ABCA13: variants seen among roughly 807,000 people sequenced by gnomAD.
ABCA13 encodes ATP-binding cassette sub-family A member 13.
A neutral mutation model predicts 478.7 loss-of-function variants in ABCA13; 476 were observed. That is an observed-to-expected ratio of 0.99 (90% confidence interval 0.92 to 1.07). The LOEUF (loss-of-function observed/expected upper bound fraction) is 1.07. ABCA13 is among the 50% of genes least tolerant of loss of function. The pLI, the probability that ABCA13 is intolerant of heterozygous loss-of-function variation, is 0.00. For missense variants in ABCA13, 6,060 were observed against 5,910.6 expected, an observed-to-expected ratio of 1.03 and a Z score of -0.83; for synonymous variants, 2,252 against 2,158.9, an observed-to-expected ratio of 1.04 and a Z score of -1.20.
intron 24 of ABCA13, 112 bp downstream of exon 24, chr7:48,310,253 C>T: frequency 8.4e-7 from 1 of 1,189,842 alleles, no homozygotes; most frequent in South Asian, 1.5e-5. Context: ...CACCTGGCCA[C>T]TCTGCAGTGG....
In ABCA13 at chr7:48,410,670, C is replaced by G. The variant is rs754515819; in HGVS notation, c.12221C>G (p.Thr4074Arg). Residue 4074 changes from threonine to arginine, a missense_variant, in exon 40 of 62, where the codon ACG becomes AGG. Thr to Arg is a moderately conservative substitution (Grantham distance 71). Transcript: ENST00000435803. ...AYGQGLRLTL[T>R]RQPSVLEAHD... ...GGCCAGGGGCTCCGCCTGACACTCA[C>G]GAGGCAGGTAAGGAGTGCAACCATT... 2.5e-6 allele frequency: 4 copies of G among 1,612,648 alleles called. No individual in the cohort carries two copies. Among genetic ancestry groups the G allele is most frequent in the Non-Finnish European group, 3.4e-6 (4 of 1,178,984 alleles).
intron 31 of ABCA13, among the ~76,000 whole-genome samples, chr7:48,358,694 G>A (rs1810350820): frequency 6.6e-6 from 1 of 152,050 alleles, no homozygotes; most frequent in Non-Finnish European, 1.5e-5. Flanking sequence ...ACTGCTTAAT[G>A]CAGTAGTTAG....
At position 48,627,586 on chromosome 7, in the gene ABCA13, G is replaced by A. The variant is rs528202968; in HGVS notation, c.14837+12209G>A. 7.1e-4 allele frequency among the ~76,000 whole-genome samples: 108 copies of A among 152,178 alleles called. 1 individual carries two copies. The highest frequency in any genetic ancestry group is 6.5e-4 in the African/African-American group (27 of 41,526). On this transcript the variant is annotated intron_variant, in intron 59 of 61. Coordinates refer to ENST00000435803, the MANE Select transcript of ABCA13 (RefSeq NM_152701.5). Reference sequence around the variant, plus strand: ...TTTTCTTCAGTGGAGATAATAATACGTATTTTATAGTATTTTGAAAAGAAA... The same window carrying A: ...TTTTCTTCAGTGGAGATAATAATACATATTTTATAGTATTTTGAAAAGAAA...
chr7:48,524,114 T>C, intron 53 of ABCA13, 134 bp from the exon 54 acceptor site: 2 of 723,422 alleles, frequency 2.8e-6, no homozygotes, highest in Non-Finnish European at 2.2e-6. Flanking sequence ...TGGGGTGCTC[T>C]GGACAAAGCT....
At position 48,644,671 on chromosome 7, in the gene ABCA13, G is replaced by GCTGA. The variant is rs2131705831; in HGVS notation, c.15001_15004dup (p.Leu5002Ter). ...TGTGCCAAAAAGATGGGGATGCCTA[G>GCTGA]CTGACTTGTTCAAAGTTATAGAGAA... is the stretch of plus-strand genomic sequence containing the variant. On this transcript the variant is annotated frameshift_variant, in exon 61 of 62. Coordinates refer to ENST00000435803, the MANE Select transcript of ABCA13 (RefSeq NM_152701.5). LOFTEE classifies it high-confidence loss of function. 2 of 1,610,558 alleles carry GCTGA rather than the reference G, an allele frequency of 1.2e-6. No homozygotes were observed. The highest frequency in any genetic ancestry group is 4.5e-5 in the East Asian group (2 of 44,716).
At chr7:48,345,650 G>C (rs1307964867) in intron 29 of ABCA13, among the ~76,000 whole-genome samples, 1 of 152,078 alleles carries the variant, frequency 6.6e-6, no homozygotes, top group Non-Finnish European at 1.5e-5. Flanking sequence ...TTACAAAAGG[G>C]TCAAAAAGTC....
rs527462738 is a variant in ABCA13, at chr7:48,422,223, G to T, written c.12460-5543G>T. Among the ~76,000 whole-genome samples, 2 of 137,610 alleles carry T rather than the reference G, an allele frequency of 1.5e-5. 1 individual carries two copies. The highest frequency in any genetic ancestry group is 5.8e-5 in the African/African-American group (2 of 34,672). 90.3% of individuals were successfully genotyped at this position (137,610 alleles called of 152,430 possible). A position where few individuals can be genotyped will look rare whatever the true frequency, so the allele number is the denominator to read the frequency against. ...TTTCTTTTTTTTCTTTTTTCCTAAA[G>T]AACAATACATTCAGTATTTTGAGGA... On this transcript the variant is annotated intron_variant, in intron 41 of 61. Coordinates refer to ENST00000435803, the MANE Select transcript of ABCA13 (RefSeq NM_152701.5).
intron 8 of ABCA13, among the ~76,000 whole-genome samples, chr7:48,236,909 G>T (rs116038044): frequency 6.6e-6 from 1 of 151,888 alleles, no homozygotes; most frequent in Non-Finnish European, 1.5e-5. Flanking sequence ...CATTGAGACT[G>T]CAGTATTGCA....
At chr7:48,482,204 T>C (rs1828843632) in intron 46 of ABCA13, among the ~76,000 whole-genome samples, 1 of 151,976 alleles carries the variant, frequency 6.6e-6, no homozygotes, top group South Asian at 2.1e-4. Context: ...AGTGTGGTAA[T>C]TGATAACAAT....
intron 3 of ABCA13, among the ~76,000 whole-genome samples, chr7:48,213,614 CTG>C (rs764767052): frequency 2.0e-5 from 3 of 152,186 alleles, no homozygotes; most frequent in Non-Finnish European, 4.4e-5. Context: ...GCATCATTGA[CTG>C]TTTCTTTCAT....
intron 57 of ABCA13, among the ~76,000 whole-genome samples, chr7:48,593,945 A>T (rs1790025636): frequency 6.6e-6 from 1 of 151,968 alleles, no homozygotes; most frequent in African/African-American, 2.4e-5. Flanking sequence ...GATGTATGTC[A>T]TGAGCCTTTT....
chr7:48,391,534 G>T (rs1232372350), intron 37 of ABCA13, among the ~76,000 whole-genome samples: 1 of 152,168 alleles, frequency 6.6e-6, no homozygotes, highest in African/African-American at 2.4e-5. Flanking sequence ...AGATGATTTT[G>T]CCCAGCTGTA....
chr7:48,306,908 G>A (rs1055387641), intron 23 of ABCA13, among the ~76,000 whole-genome samples: 17 of 152,292 alleles, frequency 1.1e-4, no homozygotes, highest in South Asian at 4.1e-4. Flanking sequence ...AAGATTACTC[G>A]TCATAATGTG....
chr7:48,318,833 G>A (rs544590760), intron 27 of ABCA13, among the ~76,000 whole-genome samples: 1 of 151,988 alleles, frequency 6.6e-6, no homozygotes, highest in East Asian at 1.9e-4. Flanking sequence ...AATAGGCCAT[G>A]ACTTTAAAAA....
chr7:48,295,637 T>C (rs997444289), intron 20 of ABCA13, 63 bp from the exon 21 acceptor site: 14 of 1,593,626 alleles, frequency 8.8e-6, no homozygotes, highest in Non-Finnish European at 1.1e-5. Context: ...CTAATGAGAA[T>C]AAATCAAAAT....
rs1410107011 is a variant in ABCA13 at position 48,385,537 on chromosome 7, C to G, written c.11336-2285C>G. On this transcript the variant is annotated intron_variant, in intron 35 of 61. Coordinates refer to ENST00000435803, the MANE Select transcript of ABCA13 (RefSeq NM_152701.5). ...AGTAGTCCATGGTGTATATGTACCA[C>G]ATTTTCTTTATCCAGTCTATTGTTG... 1.3e-5 allele frequency among the ~76,000 whole-genome samples: 2 copies of G among 152,272 alleles called. 1 individual carries two copies. The highest frequency in any genetic ancestry group is 4.1e-4 in the South Asian group (2 of 4,826).
chr7:48,268,015 C>G (rs896196167), intron 15 of ABCA13, among the ~76,000 whole-genome samples: 1 of 152,032 alleles, frequency 6.6e-6, no homozygotes, highest in African/African-American at 2.4e-5. Flanking sequence ...TAAATACTTC[C>G]CACTCCTGAA....
chr7:48,599,667 G>A (rs1790677299), intron 58 of ABCA13, among the ~76,000 whole-genome samples: 1 of 152,202 alleles, frequency 6.6e-6, no homozygotes, highest in South Asian at 2.1e-4. Context: ...GTCGTATGGT[G>A]TGTACTGCAG....
At chr7:48,569,925 G>T (rs770965954) in intron 55 of ABCA13, among the ~76,000 whole-genome samples, 3 of 152,134 alleles carry the variant, frequency 2.0e-5, no homozygotes, top group Non-Finnish European at 4.4e-5. Context: ...TGTTCAGTCT[G>T]CTCTTTTTGG....
Sources: gnomAD v4.1 joint callset for allele counts (sites outside exome capture counted in the v4.1 genomes callset) on GRCh38, gnomAD v4.1.1 for gene constraint, MANE v1.5 for transcripts, NCBI Gene and HGNC (gene_info 2026-07-23, HGNC 2026-07-21) for gene names.